The following UCMA variants were observed in gnomAD, a reference collection of about 807,000 sequenced individuals.
UCMA encodes the protein upper zone of growth plate and cartilage matrix associated, also known as upper zone of growth plate and cartilage matrix-associated protein.
UCMA carries 21 observed loss-of-function variants against 21.8 expected under a neutral mutation model. The ratio of observed to expected loss-of-function variants is 0.97; its 90% CI spans 0.68 to 1.39. UCMA has a LOEUF of 1.39. Among genes scored for constraint, UCMA ranks in the 40% most tolerant of loss-of-function variants. The pLI is 0.00. For synonymous variants in UCMA, 76 were observed against 67.9 expected (o/e 1.12, Z -0.58); for missense variants, 193 against 178.9 (o/e 1.08, Z -0.45).
rs78293148 is a variant in UCMA at position 13,233,482 on chromosome 10, G to C, written c.220+56C>G. ...CTGACTGTGGGAGAGGAGGAGCCGGGGGGTGTGAGCAGAGGTGGTGATGGA... is the reference window on the plus strand; with the variant it reads ...CTGACTGTGGGAGAGGAGGAGCCGGCGGGTGTGAGCAGAGGTGGTGATGGA... On this transcript the variant is annotated intron_variant, in intron 3 of 4. Coordinates refer to ENST00000378681, the MANE Select transcript of UCMA (RefSeq NM_145314.3). The C allele has an allele frequency of 3.8e-5, 54 of 1,415,274 alleles. 1 individual carries two copies. In the Middle Eastern group the frequency reaches 1.2e-3, roughly 30 times the overall value. The allele number at this position is 1,415,274 out of a possible 1,614,324, so 87.7% of individuals were successfully genotyped here.
chr10:13,222,068 C>T lies in UCMA; in HGVS notation c.*35G>A, dbSNP rs1834763689. 6 of 1,610,544 alleles carry T rather than the reference C, an allele frequency of 3.7e-6. No homozygotes were observed. The South Asian group carries it at 6.6e-5, about 18-fold the overall frequency. ...GAACACGGGGATGCCAATGGTGCTACAAGCTTTGTCTTCTTGGCCGGCTTC... is the reference window on the plus strand; with the variant it reads ...GAACACGGGGATGCCAATGGTGCTATAAGCTTTGTCTTCTTGGCCGGCTTC... On this transcript the variant is annotated 3_prime_UTR_variant, in exon 5 of 5. Transcript: ENST00000378681.
intron 3 of UCMA, 57 bp downstream of exon 3, chr10:13,233,481 G>A: frequency 7.1e-7 from 1 of 1,409,878 alleles, no homozygotes; most frequent in Non-Finnish European, 1.0e-6. Context: ...GGAGGAGCCG[G>A]GGGGTGTGAG....
intron 4 of UCMA, among the ~76,000 whole-genome samples, chr10:13,226,068 T>C (rs1353079860): frequency 6.6e-6 from 1 of 152,168 alleles, no homozygotes; most frequent in Admixed American, 6.5e-5. Context: ...TGCTCATCCT[T>C]GATTTACAAG....
At chr10:13,226,401 G>A (rs975315075) in intron 4 of UCMA, among the ~76,000 whole-genome samples, 4 of 152,024 alleles carry the variant, frequency 2.6e-5, no homozygotes, top group African/African-American at 9.7e-5. Context: ...TCGAACTCCT[G>A]GGCTGAAGCC....
chr10:13,233,511 G>A (rs779970572), intron 3 of UCMA, 27 bp downstream of exon 3: 6 of 1,591,622 alleles, frequency 3.8e-6, no homozygotes, highest in South Asian at 1.1e-5. Flanking sequence ...TGATGGACGC[G>A]GGATGGGGTC....
chr10:13,233,647 G>C lies in UCMA; in HGVS notation c.125-14C>G. ...TCTGTTTTGCATCTGAAACCCGGGA[G>C]AGGCCTGTCACCAGCAGTGTGGGGG... is the stretch of plus-strand genomic sequence containing the variant. On this transcript the variant is annotated splice_polypyrimidine_tract_variant and intron_variant, in intron 2 of 4. Transcript: ENST00000378681. 4.3e-6 allele frequency: 7 copies of C among 1,614,100 alleles called. No individual in the cohort carries two copies. Among genetic ancestry groups the C allele is most frequent in the Non-Finnish European group, 5.9e-6 (7 of 1,179,998 alleles).
In UCMA at chr10:13,222,017, G is replaced by T; in HGVS notation, c.*86C>A. 6.9e-7 allele frequency: 1 copy of T among 1,444,574 alleles called. No individual in the cohort carries two copies. The highest frequency in any genetic ancestry group is 9.7e-7 in the Non-Finnish European group (1 of 1,034,198). 89.5% of individuals were successfully genotyped at this position (1,444,574 alleles called of 1,614,324 possible). ...ACCCCAAGCTGAGACCCTCTGAAGG[G>T]CCGGTTTGCATGGGAAAGATTGCTG... On this transcript the variant is annotated 3_prime_UTR_variant, in exon 5 of 5. Transcript: ENST00000378681.
intron 3 of UCMA, among the ~76,000 whole-genome samples, chr10:13,232,738 C>T (rs965861002): frequency 2.0e-5 from 3 of 151,998 alleles, no homozygotes; most frequent in African/African-American, 7.3e-5. Context: ...CCCACAGGCA[C>T]GAGGAGGAAA....
intron 4 of UCMA, among the ~76,000 whole-genome samples, chr10:13,226,445 C>T (rs1834824675): frequency 6.6e-6 from 1 of 152,264 alleles, no homozygotes; most frequent in Non-Finnish European, 1.5e-5. Context: ...GTAGCTGGGA[C>T]TACAGGCACA....
rs2399954 is a variant in UCMA, at chr10:13,234,368, G to T, written c.-110C>A. On this transcript the variant is annotated 5_prime_UTR_variant, in exon 1 of 5. Coordinates refer to ENST00000378681, the MANE Select transcript of UCMA (RefSeq NM_145314.3). ...CAGCCCAGGCGAGAGGAAGGAAGGC[G>T]GGGGAGGGAAGAGAGAGGCAGGAGG... is the stretch of plus-strand genomic sequence containing the variant. 2 of 1,143,734 alleles carry T rather than the reference G, an allele frequency of 1.7e-6. No homozygotes were observed. The highest frequency in any genetic ancestry group is 2.3e-5 in the Admixed American group (1 of 43,156). The allele number at this position is 1,143,734 out of a possible 1,614,324, so 70.8% of individuals were successfully genotyped here.
intron 4 of UCMA, among the ~76,000 whole-genome samples, chr10:13,224,825 A>C (rs906385628): frequency 3.3e-5 from 5 of 152,316 alleles, no homozygotes; most frequent in African/African-American, 1.2e-4. Flanking sequence ...CGCAGCTGCC[A>C]GAAGTGTTTC....
intron 4 of UCMA, among the ~76,000 whole-genome samples, chr10:13,227,743 TACACACACACACACAC>T (rs55831241): frequency 2.7e-4 from 30 of 110,688 alleles, no homozygotes; most frequent in Non-Finnish European, 4.3e-4. Flanking sequence ...GGAAAGGAAA[TACACACACACACACAC>T]ACACACACAC....
intron 4 of UCMA, among the ~76,000 whole-genome samples, chr10:13,226,522 G>A (rs903868965): frequency 3.3e-5 from 5 of 151,974 alleles, no homozygotes; most frequent in African/African-American, 7.3e-5. Context: ...ACAGGGCCTC[G>A]CTTAGTTGCC....
In UCMA at chr10:13,221,919, G is replaced by A. The variant is rs7894436; in HGVS notation, c.*184C>T. ...CACCTCAGAAGATGGTCTGCAAAGA[G>A]GTGAAAGTCAGGACACTTTCACACA... On this transcript the variant is annotated 3_prime_UTR_variant, in exon 5 of 5. Transcript: ENST00000378681. 9.5e-5 allele frequency: 59 copies of A among 623,856 alleles called. No homozygotes were observed. The highest frequency in any genetic ancestry group is 8.3e-4 in the African/African-American group (45 of 54,280). 38.6% of individuals were successfully genotyped at this position (623,856 alleles called of 1,614,324 possible).
At chr10:13,227,024 C>A (rs1297562938) in intron 4 of UCMA, among the ~76,000 whole-genome samples, 3 of 151,890 alleles carry the variant, frequency 2.0e-5, no homozygotes, top group African/African-American at 4.8e-5. Flanking sequence ...AAGTGCTTCT[C>A]CCCAAGCTGC....
chr10:13,233,000 GA>G (rs1834918488), intron 3 of UCMA, among the ~76,000 whole-genome samples: 1 of 152,018 alleles, frequency 6.6e-6, no homozygotes, highest in Admixed American at 6.5e-5. Flanking sequence ...TATAAATAAG[GA>G]AATTAGGACC....
intron 3 of UCMA, among the ~76,000 whole-genome samples, chr10:13,230,152 C>T (rs1037657115): frequency 1.2e-4 from 18 of 152,144 alleles, no homozygotes; most frequent in South Asian, 2.1e-4. Flanking sequence ...AGAAAGATTC[C>T]GTCCTTCCAG....
At chr10:13,231,643 C>A (rs1335470451) in intron 3 of UCMA, among the ~76,000 whole-genome samples, 5 of 152,198 alleles carry the variant, frequency 3.3e-5, no homozygotes, top group African/African-American at 1.2e-4. Flanking sequence ...AGAGGTGTCA[C>A]AAATTAGAGC....
At position 13,223,413 on chromosome 10, in the gene UCMA, A is replaced by C. The variant is rs549921913; in HGVS notation, c.320-1213T>G. Among the ~76,000 whole-genome samples, 3 of 152,274 alleles carry C rather than the reference A, an allele frequency of 2.0e-5. No homozygotes were observed. The East Asian group carries it at 5.8e-4, about 29-fold the overall frequency. ...AACAAAATGTGGTGTGTATGTGTAA[A>C]ATTTCGCCACAAAAAGGAATGAAGT... is the stretch of plus-strand genomic sequence containing the variant. On this transcript the variant is annotated intron_variant, in intron 4 of 4. Transcript: ENST00000378681.
Sources: allele counts gnomAD v4.1 joint callset (sites outside exome capture counted in the v4.1 genomes callset), GRCh38; gene constraint gnomAD v4.1.1; transcripts MANE v1.5; gene names NCBI Gene and HGNC (gene_info 2026-07-23, HGNC 2026-07-21).